XDH: variants seen among roughly 807,000 people sequenced by gnomAD.
XDH encodes the protein xanthine dehydrogenase/oxidase.
A neutral mutation model predicts 156.1 loss-of-function variants in XDH; 138 were observed. That is an observed-to-expected ratio of 0.88 (90% CI 0.77 to 1.02). XDH has a LOEUF of 1.02. Among genes scored for constraint, XDH ranks in the 50% least tolerant of loss-of-function variants. The pLI, the probability that XDH is intolerant of heterozygous loss-of-function variation, is 0.00. For synonymous variants in XDH, 669 were observed against 625.7 expected (o/e 1.07, Z -1.03); for missense variants, 1,849 against 1,684.9 (o/e 1.10, Z -1.71).
chr2:31,354,605 T>C (rs1685577290), intron 24 of XDH, among the ~76,000 whole-genome samples: 2 of 152,172 alleles, frequency 1.3e-5, no homozygotes, highest in Admixed American at 6.5e-5. Context: ...AAGAACCTAA[T>C]GGGCCTTTCA....
At chr2:31,372,529 G>T in intron 16 of XDH, 132 bp from the exon 17 acceptor site, 1 of 1,233,240 alleles carries the variant, frequency 8.1e-7, no homozygotes, top group East Asian at 2.5e-5. Flanking sequence ...ATTCAGAGGG[G>T]CGTGGGGCAA....
At chr2:31,391,174 T>A (rs1296244748) in intron 6 of XDH, among the ~76,000 whole-genome samples, 1 of 148,352 alleles carries the variant, frequency 6.7e-6, no homozygotes, top group African/African-American at 2.6e-5. Context: ...TTTAGATTCA[T>A]TTTTTTTTGT....
At chr2:31,365,355 A>G in intron 23 of XDH, 102 bp downstream of exon 23, 1 of 1,224,736 alleles carries the variant, frequency 8.2e-7, no homozygotes. Flanking sequence ...TTCTACAGAT[A>G]GGCAAAAAGT....
intron 24 of XDH, among the ~76,000 whole-genome samples, chr2:31,358,932 T>A (rs1685701379): frequency 6.6e-6 from 1 of 152,040 alleles, no homozygotes; most frequent in African/African-American, 2.4e-5. Flanking sequence ...GAAAAGGAGA[T>A]GAAAACATGC....
Position 31,335,932 on chromosome 2 carries a change from A to G in XDH, c.*26T>C, listed in dbSNP as rs1684959361. 6.8e-6 allele frequency: 11 copies of G among 1,613,900 alleles called. No individual in the cohort carries two copies. Among genetic ancestry groups the G allele is most frequent in the Non-Finnish European group, 9.3e-6 (11 of 1,179,816 alleles). On this transcript the variant is annotated 3_prime_UTR_variant, in exon 36 of 36. Transcript: ENST00000379416. ...TCCATGGAAGCCCAAAGGCAGCACA[A>G]GAAGACTCTGCTGAGGACTCTCTCT...
At chr2:31,390,859 T>A (rs770594818) in intron 6 of XDH, among the ~76,000 whole-genome samples, 8 of 152,248 alleles carry the variant, frequency 5.3e-5, no homozygotes, top group African/African-American at 1.4e-4. Context: ...TTGTTCATTG[T>A]CTTATTGCTG....
At position 31,337,543 on chromosome 2, in the gene XDH, G is replaced by C. The variant is rs530516996; in HGVS notation, c.3951+98C>G. The C allele has an allele frequency of 7.1e-5, 112 of 1,582,558 alleles. No individual in the cohort carries two copies. The East Asian group carries it at 7.6e-4, about 11-fold the overall frequency. On this transcript the variant is annotated intron_variant, in intron 35 of 35. Transcript: ENST00000379416. ...GATGCAAGGCTGCCCGGTTAGGAGA[G>C]AGCCCAACACCTCTCCTCTGTGCAG...
chr2:31,343,312 A>ATATATATATATATATATGCATGTT (rs1558675323), intron 31 of XDH, among the ~76,000 whole-genome samples: 164 of 136,386 alleles, frequency 1.2e-3, no homozygotes, highest in African/African-American at 1.7e-3. Flanking sequence ...ATATATATAT[A>ATATATATATATATATATGCATGTT]TATATATATA....
intron 21 of XDH, among the ~76,000 whole-genome samples, chr2:31,366,442 A>G (rs1051338950): frequency 1.3e-5 from 2 of 152,192 alleles, no homozygotes; most frequent in South Asian, 2.1e-4. Flanking sequence ...GGCAGTAGAG[A>G]AACAAAGAAT....
intron 24 of XDH, among the ~76,000 whole-genome samples, chr2:31,353,794 C>A (rs1193276152): frequency 6.6e-6 from 1 of 152,192 alleles, no homozygotes; most frequent in Non-Finnish European, 1.5e-5. Context: ...CTCACACCTG[C>A]AAAAGCTCAG....
In XDH at chr2:31,386,405, G is replaced by A. The variant is rs1476496303; in HGVS notation, c.793+9C>T. 3 of 1,611,934 alleles carry A rather than the reference G, an allele frequency of 1.9e-6. No individual in the cohort carries two copies. Among genetic ancestry groups the A allele is most frequent in the Non-Finnish European group, 2.5e-6 (3 of 1,180,000 alleles). On this transcript the variant is annotated intron_variant, in intron 9 of 35. Transcript: ENST00000379416. ...CTGGCAGCCCCAGGGCAGCCTCCCT[G>A]GCCCTTACCAATCTCCGTGTTCCCC... is the stretch of plus-strand genomic sequence containing the variant.
intron 34 of XDH, among the ~76,000 whole-genome samples, chr2:31,338,659 T>G (rs367661196): frequency 6.6e-6 from 1 of 151,896 alleles, no homozygotes; most frequent in African/African-American, 2.4e-5. Flanking sequence ...TTTTTCATAC[T>G]TACTGCAGAT....
At position 31,337,722 on chromosome 2, in the gene XDH, G is replaced by T. The variant is rs774319963; in HGVS notation, c.3870C>A (p.Asn1290Lys). 1 of 1,614,214 alleles carries T rather than the reference G, an allele frequency of 6.2e-7. No individual in the cohort carries two copies. The highest frequency in any genetic ancestry group is 8.5e-7 in the Non-Finnish European group (1 of 1,180,034). The change falls in exon 35 of 36, where the codon AAC becomes AAA. Residue 1290 changes from asparagine to lysine, a missense_variant. Physicochemically the swap from Asn to Lys is moderately conservative, Grantham distance 94. Coordinates refer to ENST00000379416, the MANE Select transcript of XDH (RefSeq NM_000379.4). ...TGTCTAGCCGGAAGAGTTCCTTCAC[G>T]TTATTACCTGTGTGCTGAGCTCGAG... ...RAARAQHTGN[N>K]VKELFRLDSP...
intron 9 of XDH, 97 bp downstream of exon 9, chr2:31,386,317 A>G: frequency 6.5e-7 from 1 of 1,533,008 alleles, no homozygotes; most frequent in Non-Finnish European, 8.9e-7. Flanking sequence ...TAGGGTGCAG[A>G]GGCAAGTAAA....
At chr2:31,386,324 T>A in intron 9 of XDH, 90 bp downstream of exon 9, 1 of 1,567,710 alleles carries the variant, frequency 6.4e-7, no homozygotes, top group South Asian at 1.1e-5. Flanking sequence ...CAGAGGCAAG[T>A]AAAGTCAGGG....
chr2:31,350,323 C>T (rs927073871), intron 24 of XDH, 100 bp from the exon 25 acceptor site: 34 of 1,198,604 alleles, frequency 2.8e-5, no homozygotes, highest in Non-Finnish European at 4.2e-5. Context: ...CTGCCTTTCC[C>T]CTCTGCACCC....
chr2:31,364,154 T>A lies in XDH; in HGVS notation c.2631+4A>T, dbSNP rs776259114. Reference sequence around the variant, plus strand: ...GTGCAGGGGCGGCTGCAGGTCCTACTCACACTCTGAGAGAGATCCTGGGTG... The same window carrying A: ...GTGCAGGGGCGGCTGCAGGTCCTACACACACTCTGAGAGAGATCCTGGGTG... On this transcript the variant is annotated splice_donor_region_variant and intron_variant, in intron 24 of 35. Transcript: ENST00000379416. 6.2e-6 allele frequency: 10 copies of A among 1,613,828 alleles called. No homozygotes were observed. In the South Asian group the frequency reaches 1.1e-4, roughly 18 times the overall value.
intron 13 of XDH, among the ~76,000 whole-genome samples, chr2:31,378,018 T>A (rs1159642444): frequency 7.3e-6 from 1 of 137,466 alleles, no homozygotes; most frequent in Non-Finnish European, 1.5e-5. Context: ...AGAGTGAGAA[T>A]CTGTCTCAAA....
chr2:31,411,069 G>T (rs1687329425), intron 1 of XDH, among the ~76,000 whole-genome samples: 1 of 151,952 alleles, frequency 6.6e-6, no homozygotes. Context: ...TGGATCACAG[G>T]TCAGGAGTTC....
Sources: allele counts gnomAD v4.1 joint callset (sites outside exome capture counted in the v4.1 genomes callset), GRCh38; gene constraint gnomAD v4.1.1; transcripts MANE v1.5; gene names NCBI Gene and HGNC (gene_info 2026-07-23, HGNC 2026-07-21).